The following PTPRG variants were observed in gnomAD, a reference collection of about 807,000 sequenced individuals.
PTPRG encodes the protein protein tyrosine phosphatase receptor type G.
A neutral mutation model predicts 165.3 loss-of-function variants in PTPRG; 102 were observed. The observed-to-expected ratio is 0.62, with a 90% CI of 0.53 to 0.73. The LOEUF (loss-of-function observed/expected upper bound fraction) is 0.73. Among genes scored for constraint, PTPRG ranks in the 30% least tolerant of loss-of-function variants. PTPRG has a pLI of 0.00. For synonymous variants in PTPRG, 675 were observed against 669.5 expected (o/e 1.01, Z -0.13); for missense variants, 1,866 against 1,861.4 (o/e 1.00, Z -0.05).
intron 2 of PTPRG, among the ~76,000 whole-genome samples, chr3:61,781,387 G>A (rs1445537048): frequency 6.6e-6 from 1 of 152,156 alleles, no homozygotes; most frequent in African/African-American, 2.4e-5. Context: ...CATAATTTAA[G>A]TTTGACAACT....
chr3:62,038,232 CTTTT>C (rs1700012758), intron 4 of PTPRG, among the ~76,000 whole-genome samples: 1 of 152,200 alleles, frequency 6.6e-6, no homozygotes, highest in Admixed American at 6.5e-5. Flanking sequence ...AATTTTTGTT[CTTTT>C]TGTTTGCACA....
intron 1 of PTPRG, among the ~76,000 whole-genome samples, chr3:61,711,572 G>C (rs961823381): frequency 6.6e-6 from 1 of 152,116 alleles, no homozygotes; most frequent in African/African-American, 2.4e-5. Context: ...GTCTTCTTTT[G>C]AGAAGTGTCT....
In PTPRG at chr3:62,195,037, C is replaced by T; in HGVS notation, c.1219-25C>T. ...TGCCTTGGCCTTCAAAACTAACTCA[C>T]TGCTTTTTCCTTCTTTACTTACAGA... On this transcript the variant is annotated intron_variant, in intron 9 of 29. Transcript: ENST00000474889. This position sits in a 1 kb window ranked among gnomAD's most constrained non-coding sequence, Gnocchi z 4.4. 1 of 1,609,024 alleles carries T rather than the reference C, an allele frequency of 6.2e-7. No individual in the cohort carries two copies. The highest frequency in any genetic ancestry group is 1.7e-5 in the Admixed American group (1 of 60,014).
chr3:61,835,779 C>G (rs149310940), intron 2 of PTPRG, among the ~76,000 whole-genome samples: 787 of 151,938 alleles, frequency 5.2e-3, no homozygotes, highest in Admixed American at 0.011. Flanking sequence ...TGGCTCACAC[C>G]TGTAATCCCA....
intron 7 of PTPRG, among the ~76,000 whole-genome samples, chr3:62,159,877 G>T (rs1249491619): frequency 1.3e-5 from 2 of 152,202 alleles, no homozygotes; most frequent in East Asian, 3.8e-4. Flanking sequence ...GGCTGGCTTT[G>T]TGGAGGTCAC....
At chr3:62,095,984 A>G (rs1187537578) in intron 5 of PTPRG, among the ~76,000 whole-genome samples, 1 of 152,170 alleles carries the variant, frequency 6.6e-6, no homozygotes, top group Non-Finnish European at 1.5e-5. Flanking sequence ...CATCAGCCCT[A>G]GACTTTTCTT....
intron 8 of PTPRG, among the ~76,000 whole-genome samples, chr3:62,188,872 C>T (rs1699730987): frequency 6.6e-6 from 1 of 152,096 alleles, no homozygotes; most frequent in African/African-American, 2.4e-5. Context: ...GATATAGAAG[C>T]TTCCCAATAT....
At chr3:62,267,556 A>C in intron 18 of PTPRG, 64 bp downstream of exon 18, 1 of 1,528,812 alleles carries the variant, frequency 6.5e-7, no homozygotes. Flanking sequence ...GAAACTGTTT[A>C]ATATATTTTA....
At chr3:61,695,155 C>T (rs529963548) in intron 1 of PTPRG, among the ~76,000 whole-genome samples, 51 of 152,124 alleles carry the variant, frequency 3.4e-4, no homozygotes, top group Admixed American at 1.1e-3. Context: ...GGATTACAGG[C>T]GCCTGCTACC....
intron 4 of PTPRG, among the ~76,000 whole-genome samples, chr3:62,029,144 G>A (rs549840920): frequency 3.3e-4 from 50 of 152,266 alleles, no homozygotes; most frequent in Admixed American, 4.6e-4. Context: ...CACTAAGAAT[G>A]TGTGTATTCT....
At chr3:61,747,936 A>T (rs916403048) in intron 1 of PTPRG, among the ~76,000 whole-genome samples, 2 of 152,078 alleles carry the variant, frequency 1.3e-5, no homozygotes, top group Non-Finnish European at 2.9e-5. Flanking sequence ...CTTATACATC[A>T]GTGTTTTCAG....
rs1699862110 is a variant in PTPRG at position 61,564,637 on chromosome 3, A to G, written c.85+2265A>G. 2.0e-5 allele frequency among the ~76,000 whole-genome samples: 3 copies of G among 152,186 alleles called. No individual in the cohort carries two copies. The South Asian group carries it at 6.2e-4, about 32-fold the overall frequency. On this transcript the variant is annotated intron_variant, in intron 1 of 29. Coordinates refer to ENST00000474889, the MANE Select transcript of PTPRG (RefSeq NM_002841.4). ...CCCGAGAGGGAGCAGCAGGCTTTGG[A>G]GCAAGGTAAAGTTAAAATATCAGAG...
At chr3:61,945,362 C>G (rs768667709) in intron 2 of PTPRG, among the ~76,000 whole-genome samples, 1 of 151,924 alleles carries the variant, frequency 6.6e-6, no homozygotes, top group African/African-American at 2.4e-5. Flanking sequence ...GAGTTCGAGA[C>G]GAGCCTGGCC....
At chr3:61,948,183 G>A (rs151089996) in intron 2 of PTPRG, among the ~76,000 whole-genome samples, 20 of 152,158 alleles carry the variant, frequency 1.3e-4, no homozygotes, top group Middle Eastern at 3.4e-3. Flanking sequence ...AAATTAGCTG[G>A]GTGTGTTGGC....
At chr3:61,853,189 G>T (rs2037013299) in intron 2 of PTPRG, among the ~76,000 whole-genome samples, 1 of 152,180 alleles carries the variant, frequency 6.6e-6, no homozygotes, top group Non-Finnish European at 1.5e-5. Flanking sequence ...CAGGGAAGGG[G>T]GGTTTGAGAA....
chr3:61,861,774 A>ACTG (rs1381026359), intron 2 of PTPRG, among the ~76,000 whole-genome samples: 1 of 152,184 alleles, frequency 6.6e-6, no homozygotes, highest in African/African-American at 2.4e-5. Context: ...CTCAGCAGTC[A>ACTG]CTGCTACAGT....
chr3:61,688,652 C>T (rs147310411), intron 1 of PTPRG, among the ~76,000 whole-genome samples: 125 of 152,324 alleles, frequency 8.2e-4, no homozygotes, highest in Admixed American at 9.2e-4. Flanking sequence ...CCCCACCACC[C>T]GCTAGTGTTT....
At chr3:61,712,414 T>C (rs1219894747) in intron 1 of PTPRG, among the ~76,000 whole-genome samples, 2 of 152,170 alleles carry the variant, frequency 1.3e-5, no homozygotes, top group Non-Finnish European at 2.9e-5. Context: ...TGATATTGTT[T>C]GGCTCTGTAT....
At chr3:61,914,578 A>C (rs1000736360) in intron 2 of PTPRG, among the ~76,000 whole-genome samples, 3 of 152,194 alleles carry the variant, frequency 2.0e-5, no homozygotes, top group Non-Finnish European at 4.4e-5. Context: ...AATTAGTTAG[A>C]ACGGTCTTGG....
Sources: gnomAD v4.1 joint callset for allele counts (sites outside exome capture counted in the v4.1 genomes callset) on GRCh38, gnomAD v4.1.1 for gene constraint, Gnocchi (gnomAD v3.1) non-coding constraint, MANE v1.5 for transcripts, NCBI Gene and HGNC (gene_info 2026-07-23, HGNC 2026-07-21) for gene names.